PRKG1: variants seen among roughly 807,000 people sequenced by gnomAD.
The protein encoded by PRKG1 is cGMP-dependent protein kinase 1.
Under a neutral mutation model 88.1 loss-of-function variants are expected in PRKG1, and 35 were observed. The observed-to-expected ratio is 0.40, with a 90% CI of 0.30 to 0.53. The LOEUF is 0.53. Among genes scored for constraint, PRKG1 ranks in the 20% least tolerant of loss-of-function variants. PRKG1 has a pLI of 0.59. For missense variants in PRKG1, 540 were observed against 839.8 expected (o/e 0.64, Z 4.41); for synonymous variants, 303 against 292.5 (o/e 1.04, Z -0.37).
At chr10:51,625,090 A>G (rs1177166311) in intron 3 of PRKG1, among the ~76,000 whole-genome samples, 1 of 152,210 alleles carries the variant, frequency 6.6e-6, no homozygotes, top group Non-Finnish European at 1.5e-5. Flanking sequence ...AAATGTTTAA[A>G]GTGATGGGTA....
intron 4 of PRKG1, among the ~76,000 whole-genome samples, chr10:51,805,884 T>C (rs1839292417): frequency 6.6e-6 from 1 of 152,166 alleles, no homozygotes; most frequent in African/African-American, 2.4e-5. Flanking sequence ...AGCAGGGTGT[T>C]GATTTTTTTC....
chr10:51,854,828 A>G (rs1259919108), intron 4 of PRKG1, among the ~76,000 whole-genome samples: 2 of 152,152 alleles, frequency 1.3e-5, no homozygotes, highest in African/African-American at 4.8e-5. Flanking sequence ...AATTAAGAAA[A>G]TAAATATAAA....
chr10:51,629,809 G>A (rs7907545), intron 3 of PRKG1, among the ~76,000 whole-genome samples: 128,566 of 152,038 alleles, frequency 0.85, 55,642 homozygotes, highest in Middle Eastern at 0.95. Context: ...TATGGTTGGG[G>A]AGTAATACTC....
At chr10:51,212,957 A>T (rs570118285) in intron 2 of PRKG1, among the ~76,000 whole-genome samples, 1 of 152,318 alleles carries the variant, frequency 6.6e-6, no homozygotes, top group East Asian at 1.9e-4. Flanking sequence ...CAGCCATGCC[A>T]TTACTGGGTA....
intron 5 of PRKG1, among the ~76,000 whole-genome samples, chr10:51,981,456 T>G (rs1844007759): frequency 6.6e-6 from 1 of 151,976 alleles, no homozygotes; most frequent in African/African-American, 2.4e-5. Context: ...CATAGTGGCA[T>G]GTACCTGTAA....
At chr10:51,328,427 C>G (rs1017467460) in intron 2 of PRKG1, among the ~76,000 whole-genome samples, 2 of 152,172 alleles carry the variant, frequency 1.3e-5, no homozygotes, top group African/African-American at 4.8e-5. Flanking sequence ...GTGAATAGTG[C>G]TGCAATGAAC....
At chr10:52,275,669 T>A (rs1203498707) in intron 12 of PRKG1, among the ~76,000 whole-genome samples, 1 of 152,150 alleles carries the variant, frequency 6.6e-6, no homozygotes, top group African/African-American at 2.4e-5. Context: ...TGTGGGCTCT[T>A]TTATGATCCC....
At chr10:52,201,748 A>C (rs1161058867) in intron 9 of PRKG1, among the ~76,000 whole-genome samples, 1 of 151,852 alleles carries the variant, frequency 6.6e-6, no homozygotes, top group Non-Finnish European at 1.5e-5. Flanking sequence ...TGTGTAATTC[A>C]CTTTGTAGAG....
chr10:51,560,713 ATTGT>A, intron 3 of PRKG1, among the ~76,000 whole-genome samples: 3 of 152,116 alleles, frequency 2.0e-5, no homozygotes, highest in Admixed American at 2.0e-4. Context: ...TAATTAATTG[ATTGT>A]TTCTCAGGTT....
At chr10:52,097,284 T>C (rs1847194549) in intron 7 of PRKG1, among the ~76,000 whole-genome samples, 1 of 152,146 alleles carries the variant, frequency 6.6e-6, no homozygotes, top group African/African-American at 2.4e-5. Flanking sequence ...TTTATTTGCT[T>C]TGGAGGAAAA....
At chr10:51,423,822 A>G (rs144083901) in intron 2 of PRKG1, among the ~76,000 whole-genome samples, 3 of 152,262 alleles carry the variant, frequency 2.0e-5, no homozygotes, top group African/African-American at 7.2e-5. Flanking sequence ...TTTATTTAAA[A>G]TATGTTGGCC....
chr10:52,095,427 G>C (rs10762561), intron 7 of PRKG1, among the ~76,000 whole-genome samples: 6 of 152,066 alleles, frequency 3.9e-5, no homozygotes, highest in Non-Finnish European at 7.3e-5. Context: ...GATATATTAT[G>C]TAATATGTTT....
chr10:51,930,221 A>C (rs1264791657), intron 5 of PRKG1, among the ~76,000 whole-genome samples: 1 of 152,178 alleles, frequency 6.6e-6, no homozygotes, highest in African/African-American at 2.4e-5. Context: ...ATGGTGTTTG[A>C]GATGGAGTGG....
chr10:52,108,849 T>C (rs951822508), intron 7 of PRKG1, among the ~76,000 whole-genome samples: 12 of 133,424 alleles, frequency 9.0e-5, no homozygotes, highest in African/African-American at 3.4e-4. Flanking sequence ...TTTTTTGAGA[T>C]GGAGTGTCGC....
intron 1 of PRKG1, among the ~76,000 whole-genome samples, chr10:51,093,322 G>A (rs1054208224): frequency 6.6e-6 from 1 of 152,254 alleles, no homozygotes; most frequent in African/African-American, 2.4e-5. Flanking sequence ...AATAATATAG[G>A]ATGGGAATTT....
At chr10:51,990,487 T>A (rs919469978) in intron 5 of PRKG1, among the ~76,000 whole-genome samples, 5 of 152,154 alleles carry the variant, frequency 3.3e-5, no homozygotes, top group African/African-American at 9.6e-5. Context: ...ACTTTTTTTG[T>A]ATTCTCTTCA....
intron 1 of PRKG1, among the ~76,000 whole-genome samples, chr10:51,117,636 G>A (rs1845160028): frequency 6.6e-6 from 1 of 152,206 alleles, no homozygotes; most frequent in Non-Finnish European, 1.5e-5. Flanking sequence ...GAAGTGGATA[G>A]CATTCTTTCT....
At chr10:51,707,251 C>T (rs1471926698) in intron 3 of PRKG1, among the ~76,000 whole-genome samples, 1 of 152,120 alleles carries the variant, frequency 6.6e-6, no homozygotes, top group Non-Finnish European at 1.5e-5. Context: ...TTCCACTTGT[C>T]CATTTTTATT....
chr10:51,603,273 T>G (rs182779980), intron 3 of PRKG1, among the ~76,000 whole-genome samples: 10 of 152,214 alleles, frequency 6.6e-5, no homozygotes, highest in African/African-American at 2.4e-4. Context: ...TTTTTAATCA[T>G]TAGACTATAA....
Sources: allele counts gnomAD v4.1 joint callset (sites outside exome capture counted in the v4.1 genomes callset), GRCh38; gene constraint gnomAD v4.1.1; transcripts MANE v1.5; gene names NCBI Gene and HGNC (gene_info 2026-07-23, HGNC 2026-07-21).